The following JAK2 variants were observed in gnomAD, a reference collection of about 807,000 sequenced individuals.
JAK2 encodes the protein tyrosine-protein kinase JAK2.
In JAK2, 86 loss-of-function variants were observed where a neutral mutation model predicts 139.3. The ratio of observed to expected loss-of-function variants is 0.62; its 90% CI spans 0.52 to 0.74. JAK2 has a LOEUF of 0.74. Among genes scored for constraint, JAK2 ranks in the 30% least tolerant of loss-of-function variants. The pLI, the probability that JAK2 is intolerant of heterozygous loss-of-function variation, is 0.00. For missense variants in JAK2, 1,421 were observed against 1,360.3 expected (o/e 1.04, Z -0.70); for synonymous variants, 490 against 437.7 (o/e 1.12, Z -1.49).
rs183972090 is a variant in JAK2, at chr9:5,073,563, A to G, written c.1777-135A>G. Reference sequence around the variant, plus strand: ...GTTGCAGGTCCATATAAAGGGACCAAAGCACATTGTATCCTCATCTATAGT... The same window carrying G: ...GTTGCAGGTCCATATAAAGGGACCAGAGCACATTGTATCCTCATCTATAGT... On this transcript the variant is annotated intron_variant, in intron 13 of 24. Coordinates refer to ENST00000381652, the MANE Select transcript of JAK2 (RefSeq NM_004972.4). 1.4e-5 allele frequency: 10 copies of G among 693,664 alleles called. No homozygotes were observed. In the African/African-American group the frequency reaches 1.6e-4, roughly 11 times the overall value. 43.0% of individuals were successfully genotyped at this position (693,664 alleles called of 1,614,324 possible).
At chr9:5,030,544 A>T (rs1022931967) in intron 4 of JAK2, among the ~76,000 whole-genome samples, 1 of 152,142 alleles carries the variant, frequency 6.6e-6, no homozygotes, top group Non-Finnish European at 1.5e-5. Context: ...TTAAAGATAA[A>T]GAATTTGGAG....
intron 10 of JAK2, among the ~76,000 whole-genome samples, chr9:5,067,271 A>G (rs1308834336): frequency 6.6e-6 from 1 of 152,152 alleles, no homozygotes; most frequent in Non-Finnish European, 1.5e-5. Context: ...TAATATTTTT[A>G]AGAATAGTGG....
Position 5,069,844 on chromosome 9 carries a change from A to G in JAK2, c.1514-81A>G, listed in dbSNP as rs1029830525. The G allele has an allele frequency of 3.8e-5, 32 of 847,206 alleles. No individual in the cohort carries two copies. The East Asian group carries it at 4.7e-4, about 12-fold the overall frequency. 52.5% of individuals were successfully genotyped at this position (847,206 alleles called of 1,614,324 possible). A position where few individuals can be genotyped will look rare whatever the true frequency, so the allele number is the denominator to read the frequency against. On this transcript the variant is annotated intron_variant, in intron 11 of 24. Coordinates refer to ENST00000381652, the MANE Select transcript of JAK2 (RefSeq NM_004972.4). ...ATTAAGCATTTCTTATACGTAGAAC[A>G]CATTTCATTTTACTCCTCTTTGGAG...
intron 2 of JAK2, among the ~76,000 whole-genome samples, chr9:4,988,114 T>G (rs1820066315): frequency 6.6e-6 from 1 of 152,208 alleles, no homozygotes; most frequent in African/African-American, 2.4e-5. Flanking sequence ...TGGTTAACTG[T>G]GCTAAGACCT....
chr9:5,080,707 G>GT, intron 18 of JAK2, 24 bp downstream of exon 18: 1 of 1,488,792 alleles, frequency 6.7e-7, no homozygotes, highest in East Asian at 2.4e-5. Flanking sequence ...TGATCTTATT[G>GT]ATTTTCCAGC....
chr9:5,028,877 G>C (rs1291816305), intron 3 of JAK2, among the ~76,000 whole-genome samples: 1 of 152,156 alleles, frequency 6.6e-6, no homozygotes, highest in Non-Finnish European at 1.5e-5. Context: ...TATTGTGGCT[G>C]GTTTGATCTT....
At chr9:5,058,947 T>G (rs1817969085) in intron 8 of JAK2, among the ~76,000 whole-genome samples, 1 of 152,240 alleles carries the variant, frequency 6.6e-6, no homozygotes, top group Non-Finnish European at 1.5e-5. Context: ...TTCAAATATA[T>G]GATTTGCAAA....
chr9:5,068,145 CGA>C (rs1563972342), intron 10 of JAK2, among the ~76,000 whole-genome samples: 1 of 132,008 alleles, frequency 7.6e-6, no homozygotes, highest in African/African-American at 3.5e-5. Flanking sequence ...GGCGACAGAG[CGA>C]GACACGGTCT....
chr9:5,041,856 GAC>G, intron 4 of JAK2: 2 of 466,058 alleles, frequency 4.3e-6, no homozygotes, highest in Non-Finnish European at 8.5e-6. Flanking sequence ...GAACGCGGAC[GAC>G]CCCATGGCCG....
At chr9:5,060,683 G>A (rs938049679) in intron 8 of JAK2, among the ~76,000 whole-genome samples, 4 of 152,130 alleles carry the variant, frequency 2.6e-5, no homozygotes, top group Non-Finnish European at 4.4e-5. Flanking sequence ...ACCCCTCAAA[G>A]TCATCCATGA....
intron 19 of JAK2, chr9:5,085,317 A>G (rs1353084675): frequency 5.3e-6 from 4 of 761,212 alleles, no homozygotes; most frequent in Admixed American, 5.2e-5. Flanking sequence ...CGAATACATC[A>G]TCTATTAGCT....
intron 14 of JAK2, among the ~76,000 whole-genome samples, chr9:5,076,517 A>G (rs1819318627): frequency 6.6e-6 from 1 of 152,108 alleles, no homozygotes; most frequent in Non-Finnish European, 1.5e-5. Context: ...TTTTAAAAAG[A>G]TATATTCTTT....
chr9:5,119,554 ATAT>A (rs1462971967), intron 22 of JAK2, among the ~76,000 whole-genome samples: 1 of 152,184 alleles, frequency 6.6e-6, no homozygotes, highest in African/African-American at 2.4e-5. Context: ...AATTAATTTC[ATAT>A]TATGAAAATA....
intron 3 of JAK2, 121 bp from the exon 4 acceptor site, chr9:5,029,662 G>A (rs944098606): frequency 2.5e-6 from 2 of 803,910 alleles, no homozygotes; most frequent in African/African-American, 3.5e-5. Flanking sequence ...GATTTCGACT[G>A]CTATTACATT....
intron 22 of JAK2, among the ~76,000 whole-genome samples, chr9:5,106,365 T>C (rs1821954127): frequency 6.6e-6 from 1 of 152,184 alleles, no homozygotes; most frequent in Non-Finnish European, 1.5e-5. Context: ...TCATGCCAGT[T>C]AGAATGGTGA....
chr9:5,025,827 T>C (rs1352444317), intron 3 of JAK2, among the ~76,000 whole-genome samples: 1 of 152,214 alleles, frequency 6.6e-6, no homozygotes, highest in Non-Finnish European at 1.5e-5. Context: ...CCAGAATCTA[T>C]TTCTTTAATG....
chr9:4,985,891 T>G (rs143511739), intron 1 of JAK2, 49 bp from the exon 2 acceptor site: 1 of 152,844 alleles, frequency 6.5e-6, no homozygotes, highest in Non-Finnish European at 1.5e-5. Context: ...AAAGCATTTG[T>G]TTCCCCTGGA....
At chr9:5,078,867 T>C (rs1586750058) in intron 16 of JAK2, among the ~76,000 whole-genome samples, 2 of 152,230 alleles carry the variant, frequency 1.3e-5, no homozygotes, top group South Asian at 4.1e-4. Context: ...ATTCTGACTT[T>C]TTAAAACCTT....
chr9:5,089,899 G>C, intron 20 of JAK2, 36 bp downstream of exon 20: 1 of 1,373,910 alleles, frequency 7.3e-7, no homozygotes, highest in Non-Finnish European at 9.6e-7. Context: ...TAAATTCAAG[G>C]TATGTGTTTG....
Sources: allele counts gnomAD v4.1 joint callset (sites outside exome capture counted in the v4.1 genomes callset), GRCh38; gene constraint gnomAD v4.1.1; transcripts MANE v1.5; gene names NCBI Gene and HGNC (gene_info 2026-07-23, HGNC 2026-07-21).